Variants in SSH2 observed in about 807,000 individuals in gnomAD.
SSH2 encodes protein phosphatase Slingshot homolog 2.
SSH2 carries 37 observed loss-of-function variants against 135.2 expected under a neutral mutation model. The observed-to-expected ratio is 0.27, with a 90% CI of 0.21 to 0.36. The LOEUF is 0.36. SSH2 is among the 10% of genes least tolerant of loss of function. The probability of loss-of-function intolerance (pLI) is 1.00; values close to 1 mark genes in which losing one functional copy is unlikely to be tolerated. For missense variants in SSH2, 1,408 were observed against 1,765.3 expected (o/e 0.80, Z 3.63); for synonymous variants, 628 against 646.2 (o/e 0.97, Z 0.43).
intron 3 of SSH2, among the ~76,000 whole-genome samples, chr17:29,782,306 T>C (rs2041857965): frequency 6.6e-6 from 1 of 152,236 alleles, no homozygotes; most frequent in African/African-American, 2.4e-5. Flanking sequence ...TTCCTGTTCA[T>C]TCACTAAGCA....
At position 29,631,720 on chromosome 17, in the gene SSH2, G is replaced by A. The variant is rs1156501889; in HGVS notation, c.3474C>T (p.Tyr1158=). The A allele has an allele frequency of 3.1e-6, 5 of 1,614,196 alleles. No homozygotes were observed. Among genetic ancestry groups the A allele is most frequent in the South Asian group, 2.2e-5 (2 of 91,082 alleles). ...GGTGAACCATAGTCTGGGGATGCAG[G>A]TAATCCAAACTGGCAGACAGTAAAT... is the stretch of plus-strand genomic sequence containing the variant. ...TTHLLSASLD[Y]LHPQTMVHLE... is the part of the protein sequence containing the mutation. The change falls in exon 16 of 16, where the codon TAC becomes TAT. Residue 1158 remains tyrosine (Y), a synonymous_variant. Transcript: ENST00000540801.
intron 14 of SSH2, among the ~76,000 whole-genome samples, chr17:29,642,025 C>T (rs1327278223): frequency 1.3e-5 from 2 of 151,032 alleles, no homozygotes; most frequent in Non-Finnish European, 2.9e-5. Context: ...ATTAGGCAGC[C>T]TGTATAAAGG....
At chr17:29,732,072 G>C (rs1296850657) in intron 3 of SSH2, among the ~76,000 whole-genome samples, 1 of 152,180 alleles carries the variant, frequency 6.6e-6, no homozygotes, top group Non-Finnish European at 1.5e-5. Flanking sequence ...GAGCTAAAGC[G>C]TGGTGAAGTG....
intron 1 of SSH2, among the ~76,000 whole-genome samples, chr17:29,912,096 G>A (rs1204095822): frequency 6.6e-6 from 1 of 152,160 alleles, no homozygotes; most frequent in Non-Finnish European, 1.5e-5. Context: ...GTTGGTTTCT[G>A]GGAAAATTTT....
intron 2 of SSH2, among the ~76,000 whole-genome samples, chr17:29,845,652 G>A (rs2043119542): frequency 6.6e-6 from 1 of 152,120 alleles, no homozygotes; most frequent in Non-Finnish European, 1.5e-5. Context: ...CCAGGCTGGA[G>A]TGCAATGGCA....
intron 3 of SSH2, among the ~76,000 whole-genome samples, chr17:29,707,664 T>A (rs2039262100): frequency 6.6e-6 from 1 of 151,984 alleles, no homozygotes; most frequent in African/African-American, 2.4e-5. Flanking sequence ...CAGCTGGGAC[T>A]ATGGGCATAC....
Position 29,785,595 on chromosome 17 carries a change from G to C in SSH2, c.188+8299C>G, listed in dbSNP as rs148021035. The stretch of plus-strand genomic sequence containing the variant: ...GCTCACTGCAACCTCTGCTTCCCGG[G>C]TTCAAGCGATTCTCCTGCCTCAGCC... On this transcript the variant is annotated intron_variant, in intron 3 of 15. Transcript: ENST00000540801. Among the ~76,000 whole-genome samples the C allele has an allele frequency of 2.7e-5, 4 of 148,512 alleles. No individual in the cohort carries two copies. The East Asian group carries it at 5.9e-4, about 22-fold the overall frequency.
chr17:29,913,356 A>AAAT (rs1567650094), intron 1 of SSH2, among the ~76,000 whole-genome samples: 1 of 71,048 alleles, frequency 1.4e-5, no homozygotes, highest in Non-Finnish European at 2.7e-5. Context: ...AAATATATAT[A>AAAT]TATATATATA....
At chr17:29,921,350 T>G (rs925776728) in intron 1 of SSH2, among the ~76,000 whole-genome samples, 4 of 152,202 alleles carry the variant, frequency 2.6e-5, no homozygotes, top group Non-Finnish European at 5.9e-5. Context: ...TGATGCTACT[T>G]AAGGCTGTGA....
chr17:29,744,860 A>AGTGTGTGTGTGTGTGT (rs71689248), intron 3 of SSH2, among the ~76,000 whole-genome samples: 4 of 140,540 alleles, frequency 2.8e-5, no homozygotes, highest in South Asian at 2.3e-4. Context: ...GGATTACTTG[A>AGTGTGTGTGTGTGTGT]GTGTGTGTGT....
chr17:29,904,013 C>T (rs1188353708), intron 1 of SSH2, among the ~76,000 whole-genome samples: 3 of 151,872 alleles, frequency 2.0e-5, no homozygotes, highest in Non-Finnish European at 4.4e-5. Context: ...AATAAATAGC[C>T]TACCAACCAA....
chr17:29,847,142 T>C (rs2043145054), intron 2 of SSH2, among the ~76,000 whole-genome samples: 1 of 152,130 alleles, frequency 6.6e-6, no homozygotes, highest in South Asian at 2.1e-4. Context: ...GAACCTCTCA[T>C]AAAATAGGGG....
intron 4 of SSH2, among the ~76,000 whole-genome samples, chr17:29,701,099 T>A (rs553679455): frequency 3.3e-5 from 5 of 152,154 alleles, no homozygotes; most frequent in African/African-American, 1.2e-4. Flanking sequence ...GCCTCCTGAA[T>A]AGCTGGGACC....
At chr17:29,727,270 T>C (rs918961533) in intron 3 of SSH2, among the ~76,000 whole-genome samples, 1 of 152,186 alleles carries the variant, frequency 6.6e-6, no homozygotes, top group East Asian at 1.9e-4. Context: ...AAAAGATGAA[T>C]GGGAAATCTG....
chr17:29,804,819 AT>A (rs1318566144), intron 2 of SSH2, among the ~76,000 whole-genome samples: 4 of 144,960 alleles, frequency 2.8e-5, no homozygotes, highest in Non-Finnish European at 6.0e-5. Flanking sequence ...AGCCAGGACT[AT>A]AGGTGCATAC....
At chr17:29,792,906 C>T (rs1224005326) in intron 3 of SSH2, among the ~76,000 whole-genome samples, 6 of 152,172 alleles carry the variant, frequency 3.9e-5, no homozygotes, top group Admixed American at 3.9e-4. Context: ...GATCTCCTGA[C>T]CTCGTGATCC....
intron 1 of SSH2, among the ~76,000 whole-genome samples, chr17:29,924,984 C>T (rs943292678): frequency 3.3e-5 from 5 of 152,004 alleles, no homozygotes; most frequent in Admixed American, 1.3e-4. Context: ...GAACAGAAAC[C>T]GCATATGCTG....
At chr17:29,737,315 T>C (rs1186653118) in intron 3 of SSH2, among the ~76,000 whole-genome samples, 1 of 152,098 alleles carries the variant, frequency 6.6e-6, no homozygotes, top group African/African-American at 2.4e-5. Context: ...TTCTCTAAAA[T>C]AGTCTCTCCC....
chr17:29,856,050 C>T (rs2065657278), intron 1 of SSH2: 1 of 357,174 alleles, frequency 2.8e-6, no homozygotes, highest in Non-Finnish European at 5.4e-6. Context: ...TACTCCTTTC[C>T]CCATCAACTT....
Sources: gnomAD v4.1 joint callset for allele counts (sites outside exome capture counted in the v4.1 genomes callset) on GRCh38, gnomAD v4.1.1 for gene constraint, MANE v1.5 for transcripts, NCBI Gene and HGNC (gene_info 2026-07-23, HGNC 2026-07-21) for gene names.